KLRG1: variants seen among roughly 807,000 people sequenced by gnomAD.
KLRG1 encodes killer cell lectin-like receptor subfamily G member 1.
In KLRG1, 16 loss-of-function variants were observed where a neutral mutation model predicts 21.8. The ratio of observed to expected loss-of-function variants is 0.73; its 90% CI spans 0.50 to 1.11. The LOEUF is 1.11. Ranked by LOEUF, KLRG1 falls within the 50% of genes most tolerant of loss-of-function variation. The pLI is 0.00. For synonymous variants in KLRG1, 69 were observed against 75.9 expected (o/e 0.91, Z 0.47); for missense variants, 173 against 218.3 (o/e 0.79, Z 1.31).
the KLRG1 span, among the ~76,000 whole-genome samples, chr12:9,022,316 T>A: frequency 6.6e-6 from 1 of 152,212 alleles, no homozygotes; most frequent in Non-Finnish European, 1.5e-5. Context: ...TGTCTTGAGC[T>A]ACGACTTCAT....
the KLRG1 span, among the ~76,000 whole-genome samples, chr12:9,016,801 A>G: frequency 6.6e-6 from 1 of 151,820 alleles, no homozygotes; most frequent in East Asian, 1.9e-4. Context: ...TTTAGTAGAG[A>G]TGGGGTTTCA....
chr12:9,026,887 A>G, the KLRG1 span, among the ~76,000 whole-genome samples: 66 of 152,100 alleles, frequency 4.3e-4, no homozygotes, highest in African/African-American at 1.5e-3. Flanking sequence ...ACAGGTGCTC[A>G]CTTTTTTGCC....
the KLRG1 span, among the ~76,000 whole-genome samples, chr12:9,163,072 G>T: frequency 0.24 from 35,753 of 151,878 alleles, 4,367 homozygotes; most frequent in East Asian, 0.42. Context: ...AAACATTGAA[G>T]AACCAGGGAG....
At chr12:9,073,185 T>C in the KLRG1 span, among the ~76,000 whole-genome samples, 1 of 152,192 alleles carries the variant, frequency 6.6e-6, no homozygotes, top group African/African-American at 2.4e-5. Context: ...TGGCATCAGC[T>C]ATTTGCTAAC....
chr12:9,052,421 C>G, the KLRG1 span, among the ~76,000 whole-genome samples: 2 of 152,204 alleles, frequency 1.3e-5, no homozygotes, highest in African/African-American at 2.4e-5. Context: ...GTGCCACATG[C>G]CTCACACAAG....
the KLRG1 span, among the ~76,000 whole-genome samples, chr12:9,164,941 G>A: frequency 1.3e-5 from 2 of 152,156 alleles, no homozygotes; most frequent in Non-Finnish European, 2.9e-5. Flanking sequence ...TTAGAGAGCC[G>A]TGATTTAAGC....
chr12:9,146,470 A>G, the KLRG1 span, among the ~76,000 whole-genome samples: 2 of 152,290 alleles, frequency 1.3e-5, no homozygotes, highest in African/African-American at 4.8e-5. Flanking sequence ...TGAATTCTCC[A>G]TAAAGTAAAT....
At chr12:9,140,266 G>T in the KLRG1 span, among the ~76,000 whole-genome samples, 7 of 152,218 alleles carry the variant, frequency 4.6e-5, no homozygotes, top group East Asian at 3.9e-4. Context: ...ATAGTAGTAG[G>T]GGGGGGCCCA....
At chr12:9,178,811 C>T in the KLRG1 span, among the ~76,000 whole-genome samples, 1 of 152,178 alleles carries the variant, frequency 6.6e-6, no homozygotes, top group Non-Finnish European at 1.5e-5. Flanking sequence ...GGACACACCC[C>T]TGCAGATCAG....
the KLRG1 span, among the ~76,000 whole-genome samples, chr12:9,085,561 T>A: frequency 2.5e-3 from 378 of 151,002 alleles, 2 homozygotes; most frequent in Non-Finnish European, 4.0e-3. Context: ...AGAAGAAAAA[T>A]TTCCAATAAA....
chr12:9,009,820 C>A lies in KLRG1; in HGVS notation c.*283C>A, dbSNP rs2137452916. ...TTCTCAGTATGGAAACTAATGCTGCCACTCTCATCCCCGTCCCAACCATCT... is the reference window on the plus strand; with the variant it reads ...TTCTCAGTATGGAAACTAATGCTGCAACTCTCATCCCCGTCCCAACCATCT... On this transcript the variant is annotated 3_prime_UTR_variant, in exon 5 of 5. Coordinates refer to ENST00000356986, the MANE Select transcript of KLRG1 (RefSeq NM_005810.4). The A allele has an allele frequency of 7.0e-7, 1 of 1,427,702 alleles. No individual in the cohort carries two copies. The highest frequency in any genetic ancestry group is 9.1e-7 in the Non-Finnish European group (1 of 1,096,740). 88.4% of individuals were successfully genotyped at this position (1,427,702 alleles called of 1,614,324 possible).
chr12:9,194,028 T>C, the KLRG1 span: 1 of 1,528,024 alleles, frequency 6.5e-7, no homozygotes, highest in South Asian at 1.2e-5. Flanking sequence ...AATATATCAC[T>C]GTTCCTAACA....
chr12:9,091,903 AT>A, the KLRG1 span, among the ~76,000 whole-genome samples: 15 of 152,288 alleles, frequency 9.8e-5, no homozygotes, highest in East Asian at 2.5e-3. Context: ...TTTGCACAAA[AT>A]TTTTTAGCTC....
the KLRG1 span, among the ~76,000 whole-genome samples, chr12:9,073,274 T>C: frequency 6.6e-6 from 1 of 152,234 alleles, no homozygotes. Context: ...TATTAAACTT[T>C]GCTCAGTTGC....
chr12:8,956,536 C>T (rs1946297433), intron 1 of KLRG1, among the ~76,000 whole-genome samples: 1 of 152,152 alleles, frequency 6.6e-6, no homozygotes, highest in African/African-American at 2.4e-5. Context: ...CTTACTGCCT[C>T]CCAGGTTCAA....
intron 1 of KLRG1, among the ~76,000 whole-genome samples, chr12:8,967,584 TG>T (rs11308682): frequency 0.37 from 55,618 of 151,668 alleles, 11,310 homozygotes; most frequent in Middle Eastern, 0.47. Context: ...TAGCCAGGCG[TG>T]GTGGTGCATG....
chr12:9,061,795 G>A, the KLRG1 span, among the ~76,000 whole-genome samples: 1 of 151,854 alleles, frequency 6.6e-6, no homozygotes, highest in Non-Finnish European at 1.5e-5. Flanking sequence ...CATTTTTTTA[G>A]TAGACAAGGC....
the KLRG1 span, among the ~76,000 whole-genome samples, chr12:9,092,471 C>T: frequency 7.9e-5 from 12 of 152,064 alleles, no homozygotes; most frequent in African/African-American, 2.9e-4. Context: ...TTCTGGCTGT[C>T]TCCTAAGGGT....
the KLRG1 span, chr12:9,158,651 TC>T: frequency 6.8e-7 from 1 of 1,460,664 alleles, no homozygotes; most frequent in Non-Finnish European, 9.2e-7. Context: ...ACACACAGGC[TC>T]CCCCATCACA....
Sources: gnomAD v4.1 joint callset for allele counts (sites outside exome capture counted in the v4.1 genomes callset) on GRCh38, gnomAD v4.1.1 for gene constraint, MANE v1.5 for transcripts, NCBI Gene and HGNC (gene_info 2026-07-23, HGNC 2026-07-21) for gene names.